CDH23: variants seen among roughly 807,000 people sequenced by gnomAD.
CDH23 encodes cadherin-23.
Under a neutral mutation model 317.1 loss-of-function variants are expected in CDH23, and 189 were observed. The observed-to-expected ratio is 0.60, with a 90% confidence interval of 0.53 to 0.67. The LOEUF (loss-of-function observed/expected upper bound fraction) is 0.67. Among genes scored for constraint, CDH23 ranks in the 30% least tolerant of loss-of-function variants. The pLI, the probability that CDH23 is intolerant of heterozygous loss-of-function variation, is 0.00. For missense variants in CDH23, 4,401 were observed against 4,592.4 expected (o/e 0.96, Z 1.20); for synonymous variants, 1,839 against 1,876.8 (o/e 0.98, Z 0.52).
chr10:71,728,165 T>A (rs1018659670), intron 30 of CDH23, among the ~76,000 whole-genome samples: 6 of 151,752 alleles, frequency 4.0e-5, no homozygotes, highest in African/African-American at 1.5e-4. Context: ...CGAAAAAGAG[T>A]TCCTGAAATT....
intron 3 of CDH23, among the ~76,000 whole-genome samples, chr10:71,486,937 C>T (rs1852384216): frequency 6.6e-6 from 1 of 152,164 alleles, no homozygotes; most frequent in African/African-American, 2.4e-5. Flanking sequence ...GCAAGAGAGC[C>T]AGGCCTTGGT....
intron 8 of CDH23, among the ~76,000 whole-genome samples, chr10:71,576,053 C>T (rs1177014373): frequency 6.6e-6 from 1 of 152,234 alleles, no homozygotes; most frequent in African/African-American, 2.4e-5. Context: ...ACCGACTGGC[C>T]TCCACAGAGC....
At chr10:71,447,316 T>C (rs1850218461) in intron 3 of CDH23, among the ~76,000 whole-genome samples, 2 of 152,132 alleles carry the variant, frequency 1.3e-5, no homozygotes, top group African/African-American at 4.8e-5. Flanking sequence ...CTCTTTCATA[T>C]GAAACCCAGT....
intron 14 of CDH23, among the ~76,000 whole-genome samples, chr10:71,672,709 T>A (rs117248164): frequency 0.025 from 3,880 of 152,178 alleles, 73 homozygotes; most frequent in Middle Eastern, 0.058. Flanking sequence ...CAGCTTCTGC[T>A]CTAAGACAGT....
chr10:71,448,392 A>G (rs1688375415), intron 3 of CDH23, among the ~76,000 whole-genome samples: 1 of 152,252 alleles, frequency 6.6e-6, no homozygotes, highest in African/African-American at 2.4e-5. Context: ...TGCACTTGGC[A>G]GTCACAGCAG....
intron 1 of CDH23, among the ~76,000 whole-genome samples, chr10:71,404,017 G>A (rs1026883888): frequency 4.6e-5 from 7 of 152,148 alleles, no homozygotes; most frequent in Non-Finnish European, 8.8e-5. Context: ...TCTTCAACCC[G>A]GGAGGCAGAG....
At chr10:71,793,704 C>A in intron 48 of CDH23, 64 bp downstream of exon 48, 1 of 1,165,618 alleles carries the variant, frequency 8.6e-7, no homozygotes, top group Non-Finnish European at 1.2e-6. Context: ...TCGCTCCCTG[C>A]TTCCCCCTTC....
intron 11 of CDH23, among the ~76,000 whole-genome samples, chr10:71,623,853 C>G (rs1861583377): frequency 6.6e-6 from 1 of 152,144 alleles, no homozygotes. Context: ...GGATTTTGAA[C>G]TCTGACCTCA....
chr10:71,550,069 G>A (rs1320581348), intron 6 of CDH23, among the ~76,000 whole-genome samples: 2 of 152,196 alleles, frequency 1.3e-5, no homozygotes, highest in Non-Finnish European at 2.9e-5. Flanking sequence ...GATTAAGGCA[G>A]AGCTGAGTCC....
chr10:71,813,024 T>TA, intron 68 of CDH23, 134 bp downstream of exon 68: 11 of 1,423,158 alleles, frequency 7.7e-6, no homozygotes, highest in Non-Finnish European at 1.0e-5. Context: ...CCAGGGCTGA[T>TA]GGGGGGCTAC....
intron 6 of CDH23, among the ~76,000 whole-genome samples, chr10:71,547,951 C>T (rs949592659): frequency 2.0e-5 from 3 of 152,236 alleles, no homozygotes; most frequent in Admixed American, 6.5e-5. Flanking sequence ...CAGCCGGGAA[C>T]AGGAGCCGGA....
intron 3 of CDH23, among the ~76,000 whole-genome samples, chr10:71,475,233 G>A (rs996386579): frequency 3.3e-5 from 5 of 152,182 alleles, no homozygotes; most frequent in African/African-American, 1.2e-4. Flanking sequence ...TCAGACACAC[G>A]ACATCCGCAG....
chr10:71,427,330 C>T (rs1849151261), intron 1 of CDH23, among the ~76,000 whole-genome samples: 1 of 152,152 alleles, frequency 6.6e-6, no homozygotes, highest in African/African-American at 2.4e-5. Flanking sequence ...TACCCCCAGC[C>T]CCTGGCAACC....
At chr10:71,534,295 C>T (rs535752298) in intron 6 of CDH23, among the ~76,000 whole-genome samples, 1 of 152,244 alleles carries the variant, frequency 6.6e-6, no homozygotes, top group Admixed American at 6.5e-5. Flanking sequence ...CCCTCAACTC[C>T]ACCACAGAGC....
chr10:71,613,528 A>C (rs1005154009), intron 9 of CDH23, among the ~76,000 whole-genome samples: 1 of 152,188 alleles, frequency 6.6e-6, no homozygotes, highest in Admixed American at 6.5e-5. Context: ...GTGGACTGGG[A>C]GGACAGGTGA....
At chr10:71,752,137 A>G in intron 38 of CDH23, 1 of 608,040 alleles carries the variant, frequency 1.6e-6, no homozygotes, top group East Asian at 3.2e-5. Flanking sequence ...CACAGCCAGG[A>G]AGCCAAAAAT....
At chr10:71,399,764 A>G (rs534202768) in intron 1 of CDH23, among the ~76,000 whole-genome samples, 1 of 152,202 alleles carries the variant, frequency 6.6e-6, no homozygotes, top group South Asian at 2.1e-4. Flanking sequence ...CAATATAATG[A>G]GACCCTGTCT....
chr10:71,494,737 G>A (rs765974098), intron 3 of CDH23, among the ~76,000 whole-genome samples: 8 of 152,170 alleles, frequency 5.3e-5, no homozygotes, highest in Non-Finnish European at 1.2e-4. Flanking sequence ...AAGCGTGAGT[G>A]CCTCCTGGGT....
At chr10:71,683,815 G>C (rs916826866) in intron 18 of CDH23, among the ~76,000 whole-genome samples, 14 of 152,138 alleles carry the variant, frequency 9.2e-5, no homozygotes. Flanking sequence ...ACTGACCTGG[G>C]CTGGGCGCGG....
Sources: gnomAD v4.1 joint callset for allele counts (sites outside exome capture counted in the v4.1 genomes callset) on GRCh38, gnomAD v4.1.1 for gene constraint, MANE v1.5 for transcripts, NCBI Gene and HGNC (gene_info 2026-07-23, HGNC 2026-07-21) for gene names.